NARF: variants seen among roughly 807,000 people sequenced by gnomAD.
The protein encoded by NARF is iron-only hydrogenase-like protein 2.
NARF carries 41 observed loss-of-function variants against 48.0 expected under a neutral mutation model. That is an observed-to-expected ratio of 0.85 (90% CI 0.66 to 1.11). The LOEUF is 1.11. Ranked by LOEUF, NARF falls within the 50% of genes least tolerant of loss-of-function variation. The pLI, the probability that NARF is intolerant of heterozygous loss-of-function variation, is 0.00. For missense variants in NARF, 613 were observed against 590.2 expected (o/e 1.04, Z -0.40); for synonymous variants, 215 against 225.5 (o/e 0.95, Z 0.42).
chr17:82,461,954 C>T (rs1407329946), intron 2 of NARF, among the ~76,000 whole-genome samples: 3 of 152,152 alleles, frequency 2.0e-5, no homozygotes, highest in Non-Finnish European at 4.4e-5. Flanking sequence ...AGGTAGGGTG[C>T]ATTGGAGCCC....
At chr17:82,481,364 G>C in intron 7 of NARF, 153 bp downstream of exon 7, 3 of 1,142,658 alleles carry the variant, frequency 2.6e-6, no homozygotes, top group Non-Finnish European at 3.7e-6. Context: ...GGTCCTAGGG[G>C]CTTAACTGCA....
Position 82,473,317 on chromosome 17 carries a change from C to T in NARF, c.520+619C>T, listed in dbSNP as rs563907305. On this transcript the variant is annotated intron_variant, in intron 5 of 10. Coordinates refer to ENST00000309794, the MANE Select transcript of NARF (RefSeq NM_012336.4). ...TCTATTTTTTTTTTTTTTTTGGAGA[C>T]GGAATCTCAGTCTGTTGCCCAGGCT... 2.0e-3 allele frequency among the ~76,000 whole-genome samples: 278 copies of T among 139,462 alleles called. 2 individuals carry two copies. The highest frequency in any genetic ancestry group is 3.3e-3 in the Non-Finnish European group (215 of 65,696). The allele number at this position is 139,462 out of a possible 152,430, so 91.5% of individuals were successfully genotyped here. A position where few individuals can be genotyped will look rare whatever the true frequency, so the allele number is the denominator to read the frequency against.
At chr17:82,485,143 C>T (rs768702551) in intron 9 of NARF, among the ~76,000 whole-genome samples, 193 bp downstream of exon 9, 4 of 152,108 alleles carry the variant, frequency 2.6e-5, no homozygotes, top group African/African-American at 2.4e-5. Flanking sequence ...TGTTCTTGGC[C>T]GGGTGCGGTG....
At position 82,478,816 on chromosome 17, in the gene NARF, C is replaced by T. The variant is rs763204239; in HGVS notation, c.537C>T (p.Ala179=). Residue 179 remains alanine, a synonymous_variant, in exon 6 of 11, where the codon GCC becomes GCT. Transcript: ENST00000309794. ...TSACPGWVRY[A]ERVLGRPITA... ...TCTCCCCAGGCTGGGTCCGATACGCCGAGCGGGTGCTGGGTCGCCCCATCA... is the reference window on the plus strand; with the variant it reads ...TCTCCCCAGGCTGGGTCCGATACGCTGAGCGGGTGCTGGGTCGCCCCATCA... 10 of 1,613,614 alleles carry T rather than the reference C, an allele frequency of 6.2e-6. No individual in the cohort carries two copies. In the East Asian group the frequency reaches 8.9e-5, roughly 14 times the overall value.
intron 8 of NARF, chr17:82,484,267 A>G: frequency 6.2e-6 from 1 of 160,202 alleles, no homozygotes; most frequent in Non-Finnish European, 1.4e-5. Flanking sequence ...GGCACTGGGC[A>G]GAGAGCACCA....
upstream of NARF, chr17:82,458,308 G>A (rs2043334791): frequency 6.5e-6 from 1 of 153,464 alleles, no homozygotes; most frequent in East Asian, 1.9e-4. Context: ...CTGGCTGACA[G>A]AGCCCGGCCG....
intron 5 of NARF, among the ~76,000 whole-genome samples, chr17:82,478,167 G>A (rs2043877147): frequency 6.6e-6 from 1 of 152,180 alleles, no homozygotes; most frequent in Admixed American, 6.5e-5. Context: ...GGGCTCCTGC[G>A]GTGGAATTGC....
At chr17:82,458,735 A>T, upstream of NARF, 1 of 1,457,154 alleles carries the variant, frequency 6.9e-7, no homozygotes, top group South Asian at 1.4e-5. Flanking sequence ...GGCGGCGGGC[A>T]GTGGTGTCCC....
In NARF at chr17:82,459,842, C is replaced by G. The variant is rs112789881; in HGVS notation, c.28-150C>G. 1.2e-5 allele frequency: 7 copies of G among 604,162 alleles called. No homozygotes were observed. The East Asian group carries it at 2.0e-4, about 17-fold the overall frequency. The allele number at this position is 604,162 out of a possible 1,614,324, so 37.4% of individuals were successfully genotyped here. ...CGAGATTGCGCCCCTGCACTCCAGC[C>G]TGGGTGAGAGCGAGACTCCGTCTAA... is the stretch of plus-strand genomic sequence containing the variant. On this transcript the variant is annotated intron_variant, in intron 1 of 10. Transcript: ENST00000309794.
chr17:82,483,319 CA>C (rs566863361), intron 7 of NARF: 28,032 of 260,140 alleles, frequency 0.11, 7 homozygotes, highest in South Asian at 0.19. Context: ...GACTCCATCT[CA>C]AAAAAAAAAA....
chr17:82,485,041 G>A, intron 9 of NARF, 91 bp downstream of exon 9: 1 of 1,432,380 alleles, frequency 7.0e-7, no homozygotes, highest in Non-Finnish European at 9.3e-7. Flanking sequence ...GCGGTTCTAT[G>A]GATGGAGTTT....
At chr17:82,484,745 T>C (rs1291315308) in intron 8 of NARF, 68 bp from the exon 9 acceptor site, 2 of 1,498,196 alleles carry the variant, frequency 1.3e-6, no homozygotes, top group Non-Finnish European at 1.8e-6. Context: ...TCAGGAAGTC[T>C]GGTTTCACTC....
rs772725025 is a variant in NARF at position 82,472,570 on chromosome 17, A to G, written c.392A>G (p.His131Arg). The change falls in exon 5 of 11, where the codon CAC becomes CGC. Residue 131 changes from histidine to arginine, a missense_variant. By Grantham distance (29) the His-to-Arg change is conservative (BLOSUM62 0). Transcript: ENST00000309794. ...LCGFLKSLGVHYVFDTTIAAD... is the reference protein window; with the variant it reads ...LCGFLKSLGVRYVFDTTIAAD... ...ATGCTCCTCTCTCCTGCAGGGGTGCACTATGTATTTGATACGACGATAGCT... is the reference window on the plus strand; with the variant it reads ...ATGCTCCTCTCTCCTGCAGGGGTGCGCTATGTATTTGATACGACGATAGCT... 3 of 1,612,330 alleles carry G rather than the reference A, an allele frequency of 1.9e-6. No individual in the cohort carries two copies. Among genetic ancestry groups the G allele is most frequent in the Admixed American group, 1.7e-5 (1 of 59,780 alleles).
chr17:82,471,996 C>T lies in NARF; in HGVS notation c.386-568C>T, dbSNP rs562511873. Among the ~76,000 whole-genome samples the T allele has an allele frequency of 2.0e-5, 3 of 152,092 alleles. No individual in the cohort carries two copies. In the South Asian group the frequency reaches 6.2e-4, roughly 32 times the overall value. Reference sequence around the variant, plus strand: ...GAGAGGGAAGAAGCATGAGAGAGAACATACATATTTCATTGTGAAAAATCA... The same window carrying T: ...GAGAGGGAAGAAGCATGAGAGAGAATATACATATTTCATTGTGAAAAATCA... On this transcript the variant is annotated intron_variant, in intron 4 of 10. Coordinates refer to ENST00000309794, the MANE Select transcript of NARF (RefSeq NM_012336.4).
At position 82,464,347 on chromosome 17, in the gene NARF, G is replaced by A; in HGVS notation, c.169G>A (p.Asp57Asn). 1 of 1,614,114 alleles carries A rather than the reference G, an allele frequency of 6.2e-7. No homozygotes were observed. Among genetic ancestry groups the A allele is most frequent in the Non-Finnish European group, 8.5e-7 (1 of 1,179,984 alleles). The change falls in exon 3 of 11, where the codon GAC becomes AAC. Residue 57 changes from aspartate (D) to asparagine (N), a missense_variant. By Grantham distance (23) the Asp-to-Asn change is conservative. Transcript: ENST00000309794. Reference sequence around the variant, plus strand: ...ATTTTTGAGCGACTGCCTGGCATGTGACAGCTGTATGACTGCAGAGGAAGG... The same window carrying A: ...ATTTTTGAGCGACTGCCTGGCATGTAACAGCTGTATGACTGCAGAGGAAGG... Reference protein sequence around the residue: ...KIFLSDCLACDSCMTAEEGVQ... With the variant: ...KIFLSDCLACNSCMTAEEGVQ...
intron 5 of NARF, among the ~76,000 whole-genome samples, chr17:82,473,962 T>C (rs545867946): frequency 6.6e-6 from 1 of 152,250 alleles, no homozygotes; most frequent in East Asian, 1.9e-4. Flanking sequence ...TGTGGGAGGA[T>C]TGCTTTAGCC....
rs373872101 is a variant in NARF, at chr17:82,486,499, G to T, written c.1129+845G>T. Reference sequence around the variant, plus strand: ...ACAAGGGTGTGTCCTTCAACACAAAGGATCTCGTAGAGGAGGGGAGGCCTC... The same window carrying T: ...ACAAGGGTGTGTCCTTCAACACAAATGATCTCGTAGAGGAGGGGAGGCCTC... On this transcript the variant is annotated intron_variant, in intron 10 of 10. Transcript: ENST00000309794. 4.6e-5 allele frequency among the ~76,000 whole-genome samples: 7 copies of T among 152,342 alleles called. No homozygotes were observed. In the East Asian group the frequency reaches 7.7e-4, roughly 17 times the overall value.
chr17:82,477,291 G>A (rs2143912109), intron 5 of NARF, among the ~76,000 whole-genome samples: 1 of 151,898 alleles, frequency 6.6e-6, no homozygotes, highest in South Asian at 2.1e-4. Flanking sequence ...ATCTCCTGAG[G>A]TCAAGAGTTC....
At chr17:82,472,162 A>G (rs2043725637) in intron 4 of NARF, among the ~76,000 whole-genome samples, 2 of 152,124 alleles carry the variant, frequency 1.3e-5, no homozygotes, top group East Asian at 3.9e-4. Context: ...TGTCTCTTAA[A>G]CGTGAGAAAG....
Sources: allele counts gnomAD v4.1 joint callset (sites outside exome capture counted in the v4.1 genomes callset), GRCh38; gene constraint gnomAD v4.1.1; transcripts MANE v1.5; gene names NCBI Gene and HGNC (gene_info 2026-07-23, HGNC 2026-07-21).